Variants in ANO1 observed in about 807,000 individuals in gnomAD.
The protein encoded by ANO1 is anoctamin-1.
A neutral mutation model predicts 124.0 loss-of-function variants in ANO1; 59 were observed. That is an observed-to-expected ratio of 0.48 (90% CI 0.39 to 0.59). The LOEUF (loss-of-function observed/expected upper bound fraction) is 0.59. Ranked by LOEUF, ANO1 falls within the 20% of genes least tolerant of loss-of-function variation. The pLI is 0.00. For synonymous variants in ANO1, 529 were observed against 532.0 expected (o/e 0.99, Z 0.08); for missense variants, 1,059 against 1,328.0 (o/e 0.80, Z 3.15).
intron 2 of ANO1, among the ~76,000 whole-genome samples, chr11:70,101,585 CAAAAAAAAAA>C (rs71463659): frequency 7.9e-5 from 6 of 75,896 alleles, no homozygotes; most frequent in African/African-American, 1.7e-4. Flanking sequence ...GATTAAAAAC[CAAAAAAAAAA>C]AAAAAAAAAA....
chr11:69,973,189 G>C, the ANO1 span, among the ~76,000 whole-genome samples: 2 of 152,092 alleles, frequency 1.3e-5, no homozygotes, highest in Non-Finnish European at 2.9e-5. Context: ...GATTACAGGC[G>C]TGAGCCACCG....
Position 70,167,233 on chromosome 11 carries a change from ATC to A in ANO1, c.2052-4_2052-3del. ...TGCAAACCTAACTGCATGATGTCTC[ATC>A]TCTCAGGAAGATGAAGAAGCTCATC... On this transcript the variant is annotated splice_polypyrimidine_tract_variant and splice_region_variant and intron_variant, in intron 20 of 25. Transcript: ENST00000355303. 1 of 1,613,796 alleles carries A rather than the reference ATC, an allele frequency of 6.2e-7. No homozygotes were observed. Among genetic ancestry groups the A allele is most frequent in the South Asian group, 1.1e-5 (1 of 91,044 alleles).
At chr11:70,025,845 ATGG>A (rs1190243967) in intron 1 of ANO1, among the ~76,000 whole-genome samples, 1 of 139,324 alleles carries the variant, frequency 7.2e-6, no homozygotes, top group Non-Finnish European at 1.5e-5. Context: ...GATGATGATG[ATGG>A]TGGTGGTGAT....
intron 1 of ANO1, among the ~76,000 whole-genome samples, chr11:70,059,348 CA>C (rs1192273449): frequency 0.011 from 817 of 75,090 alleles, 1 homozygote; most frequent in African/African-American, 0.043. Context: ...GAGACACTGT[CA>C]AAAAAAAAAA....
intron 18 of ANO1, among the ~76,000 whole-genome samples, chr11:70,162,917 C>A (rs1386004519): frequency 6.6e-6 from 1 of 152,264 alleles, no homozygotes; most frequent in East Asian, 1.9e-4. Context: ...TGTCCATGGA[C>A]CCCACCGTGC....
chr11:70,135,150 G>C (rs2046908792), intron 11 of ANO1, among the ~76,000 whole-genome samples: 2 of 152,130 alleles, frequency 1.3e-5, no homozygotes, highest in African/African-American at 4.8e-5. Flanking sequence ...GAGCCTCATG[G>C]CACCCTCCCT....
rs533698871 is a variant in ANO1 at position 70,105,798 on chromosome 11, G to T, written c.747+10G>T. 2.5e-6 allele frequency: 4 copies of T among 1,612,438 alleles called. No homozygotes were observed. The highest frequency in any genetic ancestry group is 3.4e-6 in the Non-Finnish European group (4 of 1,178,968). On this transcript the variant is annotated intron_variant, in intron 5 of 25. Transcript: ENST00000355303. ...AACCCGGAGCACGATTGTAAGTATC[G>T]CACGCGCCTGGAAACGGCTCACTGG...
chr11:69,979,965 G>A, the ANO1 span, among the ~76,000 whole-genome samples: 1 of 152,112 alleles, frequency 6.6e-6, no homozygotes, highest in Non-Finnish European at 1.5e-5. Flanking sequence ...GGGTATCCCA[G>A]GGAATTGAAT....
chr11:70,153,983 C>A (rs1251372202), intron 14 of ANO1, among the ~76,000 whole-genome samples: 1 of 151,976 alleles, frequency 6.6e-6, no homozygotes, highest in Non-Finnish European at 1.5e-5. Flanking sequence ...CCAGGCTGGT[C>A]TCGAACTCCT....
intron 10 of ANO1, among the ~76,000 whole-genome samples, chr11:70,128,845 G>T (rs926984311): frequency 2.0e-5 from 3 of 152,252 alleles, no homozygotes. Flanking sequence ...TGGTGTTTGT[G>T]CGAGAAGCTG....
intron 1 of ANO1, among the ~76,000 whole-genome samples, chr11:70,021,306 C>T (rs1856802996): frequency 6.6e-6 from 1 of 152,216 alleles, no homozygotes; most frequent in African/African-American, 2.4e-5. Context: ...TGCCAACGTG[C>T]TCACTGACTT....
chr11:70,046,350 G>C (rs368933628), intron 1 of ANO1, among the ~76,000 whole-genome samples: 23 of 152,282 alleles, frequency 1.5e-4, no homozygotes, highest in African/African-American at 5.5e-4. Context: ...CTTCACGCCT[G>C]GGGGTGGGAG....
chr11:69,975,830 T>C, the ANO1 span, among the ~76,000 whole-genome samples: 4 of 152,322 alleles, frequency 2.6e-5, no homozygotes, highest in South Asian at 2.1e-4. Context: ...CATTGACTGG[T>C]AGGAGCACGG....
At chr11:70,073,832 C>T (rs186578415), upstream of ANO1, among the ~76,000 whole-genome samples, 731 of 149,480 alleles carry the variant, frequency 4.9e-3, 3 homozygotes, top group Non-Finnish European at 8.4e-3. Flanking sequence ...AAAAAAAATC[C>T]GCACCCTCCC....
intron 18 of ANO1, among the ~76,000 whole-genome samples, chr11:70,162,486 C>T (rs1305187038): frequency 6.6e-6 from 1 of 152,150 alleles, no homozygotes; most frequent in Non-Finnish European, 1.5e-5. Context: ...GGAAATGCGG[C>T]TGCTGGCCAC....
At chr11:70,171,714 C>G (rs1242864535) in intron 22 of ANO1, among the ~76,000 whole-genome samples, 1 of 152,190 alleles carries the variant, frequency 6.6e-6, no homozygotes, top group Non-Finnish European at 1.5e-5. Context: ...CTCCTGTAAT[C>G]CCAGTGCTTT....
intron 1 of ANO1, among the ~76,000 whole-genome samples, chr11:70,070,357 C>T (rs559858120): frequency 6.6e-6 from 1 of 152,084 alleles, no homozygotes; most frequent in Non-Finnish European, 1.5e-5. Context: ...AATACAAAGT[C>T]AGGAAGGGAT....
At chr11:70,186,702 G>A (rs1023166923) in intron 25 of ANO1, among the ~76,000 whole-genome samples, 5 of 152,148 alleles carry the variant, frequency 3.3e-5, no homozygotes, top group Admixed American at 6.5e-5. Context: ...GATTCTGCTC[G>A]CAGGTGTCCC....
chr11:70,135,740 G>A (rs769743537), intron 11 of ANO1, among the ~76,000 whole-genome samples: 1 of 152,240 alleles, frequency 6.6e-6, no homozygotes, highest in South Asian at 2.1e-4. Flanking sequence ...GGGGAAGGGA[G>A]GAGAGAGGCT....
Sources: allele counts gnomAD v4.1 joint callset (sites outside exome capture counted in the v4.1 genomes callset), GRCh38; gene constraint gnomAD v4.1.1; transcripts MANE v1.5; gene names NCBI Gene and HGNC (gene_info 2026-07-23, HGNC 2026-07-21).